The following GSK3B variants were observed in gnomAD, a reference collection of about 807,000 sequenced individuals.
The protein encoded by GSK3B is glycogen synthase kinase 3 beta.
A neutral mutation model predicts 56.4 loss-of-function variants in GSK3B; 15 were observed. That is an observed-to-expected ratio of 0.27 (90% CI 0.18 to 0.41). GSK3B has a LOEUF of 0.41. GSK3B is among the 10% of genes least tolerant of loss of function. The pLI is 1.00. For missense variants in GSK3B, 300 were observed against 513.4 expected, an observed-to-expected ratio of 0.58 and a Z score of 4.02; for synonymous variants, 181 against 188.9, an observed-to-expected ratio of 0.96 and a Z score of 0.34.
In GSK3B at chr3:120,094,384, G is replaced by GGGCGGCGGCGGCGGCGGC. The variant is rs556855605; in HGVS notation, c.-968_-951dup. 2.4e-4 allele frequency: 76 copies of GGGCGGCGGCGGCGGCGGC among 311,096 alleles called. No individual in the cohort carries two copies. Among genetic ancestry groups the GGGCGGCGGCGGCGGCGGC allele is most frequent in the African/African-American group, 1.5e-3 (69 of 45,418 alleles). The allele number at this position is 311,096 out of a possible 1,614,324, so 19.3% of individuals were successfully genotyped here. On this transcript the variant is annotated 5_prime_UTR_variant, in exon 1 of 11. Coordinates refer to ENST00000264235, the MANE Select transcript of GSK3B (RefSeq NM_001146156.2). ...CCTTCCTTCCTTTGTCACTTGGCCC[G>GGGCGGCGGCGGCGGCGGC]GGCGGCGGCGGCGGCGGCGGCGGCA...
At chr3:119,858,125 G>T (rs2056046193) in intron 9 of GSK3B, among the ~76,000 whole-genome samples, 1 of 152,058 alleles carries the variant, frequency 6.6e-6, no homozygotes, top group African/African-American at 2.4e-5. Flanking sequence ...AATTCTTAAG[G>T]GCCCTAGGAT....
chr3:119,902,350 A>C (rs2056633314), intron 7 of GSK3B, among the ~76,000 whole-genome samples: 1 of 152,010 alleles, frequency 6.6e-6, no homozygotes, highest in Admixed American at 6.6e-5. Flanking sequence ...GGAAGGAGGG[A>C]GGGAGGGAGG....
At chr3:119,856,505 T>C (rs1275036147) in intron 9 of GSK3B, among the ~76,000 whole-genome samples, 1 of 152,184 alleles carries the variant, frequency 6.6e-6, no homozygotes, top group African/African-American at 2.4e-5. Context: ...AAAATTCTTA[T>C]ATAAAATAGA....
chr3:119,985,167 C>T (rs1445916365), intron 2 of GSK3B, among the ~76,000 whole-genome samples: 1 of 152,086 alleles, frequency 6.6e-6, no homozygotes, highest in African/African-American at 2.4e-5. Flanking sequence ...TCTCAATAAA[C>T]GAGGTATTGA....
At chr3:120,085,885 C>T (rs966338244) in intron 1 of GSK3B, among the ~76,000 whole-genome samples, 2 of 152,006 alleles carry the variant, frequency 1.3e-5, no homozygotes, top group Non-Finnish European at 2.9e-5. Context: ...GATACCTTTC[C>T]TTGGAAAAAA....
At chr3:120,074,073 G>A (rs1319757863) in intron 1 of GSK3B, among the ~76,000 whole-genome samples, 3 of 152,128 alleles carry the variant, frequency 2.0e-5, no homozygotes, top group Non-Finnish European at 2.9e-5. Context: ...GGGAGGCCGA[G>A]GTGGATAGAT....
intron 9 of GSK3B, among the ~76,000 whole-genome samples, chr3:119,851,131 T>C (rs957710516): frequency 6.6e-6 from 1 of 152,204 alleles, no homozygotes; most frequent in Admixed American, 6.5e-5. Context: ...TAATTATGTG[T>C]TCCATAATTA....
intron 1 of GSK3B, among the ~76,000 whole-genome samples, chr3:120,038,343 C>T (rs890985997): frequency 1.3e-5 from 2 of 152,100 alleles, no homozygotes; most frequent in African/African-American, 4.8e-5. Context: ...GGTGGGTGTG[C>T]TCCTTGAACC....
chr3:119,941,596 A>C (rs1280079000), intron 3 of GSK3B, among the ~76,000 whole-genome samples: 6 of 152,252 alleles, frequency 3.9e-5, no homozygotes, highest in Non-Finnish European at 8.8e-5. Flanking sequence ...TATGAGGTTT[A>C]AGTGAGTTAT....
intron 2 of GSK3B, among the ~76,000 whole-genome samples, chr3:119,960,151 CA>C (rs574956694): frequency 0.19 from 14,447 of 74,150 alleles, 261 homozygotes; most frequent in Middle Eastern, 0.32. Flanking sequence ...TATGCTGAGA[CA>C]AAAAAAAAAA....
intron 10 of GSK3B, 67 bp downstream of exon 10, chr3:119,843,188 T>G: frequency 2.1e-6 from 2 of 967,836 alleles, no homozygotes; most frequent in Non-Finnish European, 3.2e-6. Context: ...GTGCTGGGAT[T>G]ACAGGTGTGA....
chr3:120,048,564 A>G (rs2058122467), intron 1 of GSK3B, among the ~76,000 whole-genome samples: 2 of 152,166 alleles, frequency 1.3e-5, no homozygotes, highest in Non-Finnish European at 2.9e-5. Flanking sequence ...ATCTTATCTC[A>G]TTGGGTTGTT....
intron 2 of GSK3B, among the ~76,000 whole-genome samples, chr3:119,969,757 T>C (rs1417405517): frequency 6.6e-6 from 1 of 152,132 alleles, no homozygotes; most frequent in African/African-American, 2.4e-5. Flanking sequence ...ACAAGTAGAG[T>C]AGTCTAAACA....
intron 1 of GSK3B, among the ~76,000 whole-genome samples, chr3:120,091,347 C>T (rs1317027213): frequency 2.6e-5 from 4 of 152,114 alleles, no homozygotes; most frequent in East Asian, 1.9e-4. Flanking sequence ...ATAATTAACA[C>T]TAAACTCCAA....
chr3:120,000,965 C>T (rs1247213271), intron 2 of GSK3B, among the ~76,000 whole-genome samples: 1 of 143,410 alleles, frequency 7.0e-6, no homozygotes, highest in East Asian at 2.0e-4. Context: ...CACTCTGTCC[C>T]CCAAGCTGGA....
intron 1 of GSK3B, among the ~76,000 whole-genome samples, chr3:120,034,365 A>G (rs1330256367): frequency 6.6e-6 from 1 of 152,172 alleles, no homozygotes; most frequent in Non-Finnish European, 1.5e-5. Flanking sequence ...TAGCTCTAGC[A>G]TTTAGGTCTT....
intron 2 of GSK3B, among the ~76,000 whole-genome samples, chr3:119,960,021 G>T (rs902997940): frequency 1.3e-5 from 2 of 151,940 alleles, no homozygotes; most frequent in Non-Finnish European, 2.9e-5. Flanking sequence ...ATAGCCCCCA[G>T]ATGTCACTCA....
chr3:119,914,685 A>C (rs892558989), intron 5 of GSK3B, among the ~76,000 whole-genome samples: 1 of 152,234 alleles, frequency 6.6e-6, no homozygotes, highest in Non-Finnish European at 1.5e-5. Flanking sequence ...GAAATTAGAA[A>C]ACAGTAAAAT....
intron 7 of GSK3B, among the ~76,000 whole-genome samples, chr3:119,881,606 G>A (rs1319210714): frequency 6.6e-6 from 1 of 152,158 alleles, no homozygotes; most frequent in East Asian, 1.9e-4. Flanking sequence ...TAACTCTTGT[G>A]ATGTCCATTA....
Sources: gnomAD v4.1 joint callset for allele counts (sites outside exome capture counted in the v4.1 genomes callset) on GRCh38, gnomAD v4.1.1 for gene constraint, MANE v1.5 for transcripts, NCBI Gene and HGNC (gene_info 2026-07-23, HGNC 2026-07-21) for gene names.